Variants in DNAJC1 observed in about 807,000 individuals in gnomAD.
DNAJC1 encodes the protein dnaJ homolog subfamily C member 1.
Under a neutral mutation model 76.6 loss-of-function variants are expected in DNAJC1, and 58 were observed. That is an observed-to-expected ratio of 0.76 (90% confidence interval 0.61 to 0.94). The LOEUF is 0.94. Ranked by LOEUF, DNAJC1 falls within the 40% of genes least tolerant of loss-of-function variation. The probability of loss-of-function intolerance (pLI) is 0.00; values close to 1 mark genes in which losing one functional copy is unlikely to be tolerated. For synonymous variants in DNAJC1, 258 were observed against 267.9 expected (o/e 0.96, Z 0.36); for missense variants, 689 against 677.3 (o/e 1.02, Z -0.19).
intron 7 of DNAJC1, among the ~76,000 whole-genome samples, chr10:21,888,312 T>C (rs1006354590): frequency 6.6e-6 from 1 of 152,192 alleles, no homozygotes; most frequent in Non-Finnish European, 1.5e-5. Flanking sequence ...TCAACCATTA[T>C]GGAAGACAGT....
At chr10:21,795,969 GCTT>G (rs1834746428) in intron 9 of DNAJC1, among the ~76,000 whole-genome samples, 2 of 143,856 alleles carry the variant, frequency 1.4e-5, no homozygotes, top group South Asian at 4.3e-4. Flanking sequence ...TGGGATTTCC[GCTT>G]TTTTTTTTTT....
chr10:21,816,601 A>T (rs1352241918), intron 8 of DNAJC1, among the ~76,000 whole-genome samples: 1 of 144,638 alleles, frequency 6.9e-6, no homozygotes, highest in Non-Finnish European at 1.5e-5. Context: ...GCTGGAGTGC[A>T]GTGGTGCGAT....
intron 1 of DNAJC1, among the ~76,000 whole-genome samples, chr10:21,960,087 T>G (rs1259278950): frequency 6.6e-6 from 1 of 152,204 alleles, no homozygotes; most frequent in South Asian, 2.1e-4. Flanking sequence ...CTTCAGCCCC[T>G]GCCTGGCACC....
rs553837541 is a variant in DNAJC1 at position 21,837,213 on chromosome 10, C to T, written c.979-31114G>A. ...CAGACGGAGTCTCGTTCACTCAGTG[C>T]TCAATGTTGCCCAGGCTGGAGTGCA... On this transcript the variant is annotated intron_variant, in intron 8 of 11. Transcript: ENST00000376980. Among the ~76,000 whole-genome samples the T allele has an allele frequency of 1.9e-4, 29 of 152,370 alleles. No individual in the cohort carries two copies. The South Asian group carries it at 5.4e-3, about 28-fold the overall frequency.
chr10:21,784,047 C>T (rs1352817034), intron 9 of DNAJC1, among the ~76,000 whole-genome samples: 1 of 152,162 alleles, frequency 6.6e-6, no homozygotes, highest in Non-Finnish European at 1.5e-5. Context: ...CCAAAATTGA[C>T]AAATGGGATC....
At chr10:21,938,289 A>G (rs1167700331) in intron 1 of DNAJC1, among the ~76,000 whole-genome samples, 1 of 152,040 alleles carries the variant, frequency 6.6e-6, no homozygotes, top group African/African-American at 2.4e-5. Flanking sequence ...ACCATGCCAA[A>G]ACGTAGGATG....
intron 8 of DNAJC1, among the ~76,000 whole-genome samples, chr10:21,811,503 G>A (rs1834965863): frequency 6.6e-6 from 1 of 152,176 alleles, no homozygotes; most frequent in Admixed American, 6.5e-5. Context: ...TCTCCTATCA[G>A]TGTGAGAGTT....
chr10:21,830,386 A>G (rs2131667445), intron 8 of DNAJC1, among the ~76,000 whole-genome samples: 1 of 152,296 alleles, frequency 6.6e-6, no homozygotes, highest in African/African-American at 2.4e-5. Flanking sequence ...CTAAGTTGAC[A>G]ATGATTTCCC....
chr10:21,855,706 G>A (rs1052366372), intron 8 of DNAJC1, among the ~76,000 whole-genome samples: 4 of 152,010 alleles, frequency 2.6e-5, no homozygotes, highest in Non-Finnish European at 5.9e-5. Context: ...CAATAAAACC[G>A]TTTAGGTAGC....
chr10:21,966,852 ATATTTTG>A (rs1837899162), intron 1 of DNAJC1, among the ~76,000 whole-genome samples: 1 of 151,514 alleles, frequency 6.6e-6, no homozygotes, highest in South Asian at 2.1e-4. Context: ...CACCCAGCTC[ATATTTTG>A]TATTTTGGGT....
At chr10:21,826,721 G>A (rs566394629) in intron 8 of DNAJC1, among the ~76,000 whole-genome samples, 8 of 152,024 alleles carry the variant, frequency 5.3e-5, no homozygotes, top group Non-Finnish European at 1.2e-4. Context: ...TTTGTAAGAG[G>A]ATATTCAGTT....
At chr10:21,886,978 A>C (rs551742636) in intron 7 of DNAJC1, among the ~76,000 whole-genome samples, 1 of 152,196 alleles carries the variant, frequency 6.6e-6, no homozygotes, top group Non-Finnish European at 1.5e-5. Flanking sequence ...ACATGATTCT[A>C]TATCTAGAAA....
At chr10:21,860,718 CAAACAAACAA>C (rs1288889724) in intron 8 of DNAJC1, 1 of 165,228 alleles carries the variant, frequency 6.1e-6, no homozygotes, top group East Asian at 1.9e-4. Flanking sequence ...AACAAACAAA[CAAACAAACAA>C]ACAAACAAAA....
intron 9 of DNAJC1, among the ~76,000 whole-genome samples, chr10:21,772,236 A>G (rs926140345): frequency 1.4e-5 from 2 of 147,510 alleles, no homozygotes; most frequent in Non-Finnish European, 3.0e-5. Flanking sequence ...TAATACTGCC[A>G]TCATAAAATG....
chr10:21,893,641 A>C (rs923080479), intron 7 of DNAJC1, among the ~76,000 whole-genome samples: 1 of 151,948 alleles, frequency 6.6e-6, no homozygotes, highest in Non-Finnish European at 1.5e-5. Flanking sequence ...AATAATAATA[A>C]ATAAAATCAA....
At chr10:21,789,284 A>C (rs1834652283) in intron 9 of DNAJC1, among the ~76,000 whole-genome samples, 1 of 152,202 alleles carries the variant, frequency 6.6e-6, no homozygotes, top group South Asian at 2.1e-4. Context: ...ATAGATGAAA[A>C]AGCTGCACAG....
chr10:21,970,511 GA>G (rs1475810544), intron 1 of DNAJC1, among the ~76,000 whole-genome samples: 1 of 151,980 alleles, frequency 6.6e-6, no homozygotes, highest in Non-Finnish European at 1.5e-5. Context: ...TTAAGGATTT[GA>G]AATTTATCAA....
chr10:21,779,596 C>A (rs1037023559), intron 9 of DNAJC1, among the ~76,000 whole-genome samples: 8 of 152,142 alleles, frequency 5.3e-5, no homozygotes, highest in African/African-American at 1.9e-4. Flanking sequence ...CCCATCTGTA[C>A]GTCACCATCA....
intron 8 of DNAJC1, among the ~76,000 whole-genome samples, chr10:21,810,514 T>C (rs1834947859): frequency 6.6e-6 from 1 of 152,194 alleles, no homozygotes; most frequent in South Asian, 2.1e-4. Context: ...AAATATCCCA[T>C]AGTGGTCATG....
Sources: allele counts gnomAD v4.1 joint callset (sites outside exome capture counted in the v4.1 genomes callset), GRCh38; gene constraint gnomAD v4.1.1; transcripts MANE v1.5; gene names NCBI Gene and HGNC (gene_info 2026-07-23, HGNC 2026-07-21).